The following SLC5A10 variants were observed in gnomAD, a reference collection of about 807,000 sequenced individuals.
SLC5A10 encodes sodium/mannose cotransporter SLC5A10.
Under a neutral mutation model 68.9 loss-of-function variants are expected in SLC5A10, and 55 were observed. The observed-to-expected ratio is 0.80, with a 90% CI of 0.64 to 1.00. SLC5A10 has a LOEUF of 1.00. Among genes scored for constraint, SLC5A10 ranks in the 50% least tolerant of loss-of-function variants. The pLI is 0.00. For synonymous variants in SLC5A10, 344 were observed against 344.8 expected, an observed-to-expected ratio of 1.00 and a Z score of 0.02; for missense variants, 732 against 819.3, an observed-to-expected ratio of 0.89 and a Z score of 1.30.
intron 9 of SLC5A10, 62 bp downstream of exon 9, chr17:18,977,051 C>A: frequency 6.3e-7 from 1 of 1,592,402 alleles, no homozygotes; most frequent in Non-Finnish European, 8.5e-7. Context: ...GGGACCTTGT[C>A]CTGCAAACGT....
rs2043714673 is a variant in SLC5A10 at position 19,000,944 on chromosome 17, T to C, written c.983-12466T>C. Among the ~76,000 whole-genome samples, 2 of 152,068 alleles carry C rather than the reference T, an allele frequency of 1.3e-5. No homozygotes were observed. Among genetic ancestry groups the C allele is most frequent in the South Asian group, 4.1e-4 (2 of 4,820 alleles). On this transcript the variant is annotated intron_variant, in intron 9 of 14. Coordinates refer to ENST00000395645, the MANE Select transcript of SLC5A10 (RefSeq NM_001042450.4). This position sits in a 1 kb window ranked among gnomAD's most constrained non-coding sequence, Gnocchi z 5.2. ...AGCTGGAGGACTGCAGTGGCCTGGA[T>C]GAGCTGCCCCTCCCAGCCCCTGCCT...
chr17:19,015,212 G>T lies in SLC5A10; in HGVS notation c.1241+13G>T. 1.9e-6 allele frequency: 2 copies of T among 1,028,066 alleles called. No individual in the cohort carries two copies. Among genetic ancestry groups the T allele is most frequent in the East Asian group, 2.4e-5 (1 of 42,516 alleles). 63.7% of individuals were successfully genotyped at this position (1,028,066 alleles called of 1,614,324 possible). ...TGCTGGTGGGACGGTACGGGGGTGGGGGCCAGTACGGGGGTGGGGGAACAC... is the reference window on the plus strand; with the variant it reads ...TGCTGGTGGGACGGTACGGGGGTGGTGGCCAGTACGGGGGTGGGGGAACAC... On this transcript the variant is annotated intron_variant, in intron 11 of 14. Coordinates refer to ENST00000395645, the MANE Select transcript of SLC5A10 (RefSeq NM_001042450.4).
Position 19,017,164 on chromosome 17 carries a change from G to T in SLC5A10, c.1241+1965G>T. 1 of 839,072 alleles carries T rather than the reference G, an allele frequency of 1.2e-6. No individual in the cohort carries two copies. Among genetic ancestry groups the T allele is most frequent in the Non-Finnish European group, 1.9e-6 (1 of 520,246 alleles). The allele number at this position is 839,072 out of a possible 1,614,324, so 52.0% of individuals were successfully genotyped here. On this transcript the variant is annotated intron_variant, in intron 11 of 14. Coordinates refer to ENST00000395645, the MANE Select transcript of SLC5A10 (RefSeq NM_001042450.4). The surrounding 1 kb of genome is among the most constrained non-coding windows in gnomAD (Gnocchi z 5.6). Reference sequence around the variant, plus strand: ...GGAGCAAGGCACAAGGCTGCGTGGTGCAGGGCAGGTTGCTCACCCTCTCTG... The same window carrying T: ...GGAGCAAGGCACAAGGCTGCGTGGTTCAGGGCAGGTTGCTCACCCTCTCTG...
chr17:18,988,099 G>T, intron 9 of SLC5A10: 1 of 1,224,862 alleles, frequency 8.2e-7, no homozygotes, highest in Non-Finnish European at 1.1e-6. Flanking sequence ...GTGGCTATGT[G>T]ACTGCTTGGC....
intron 1 of SLC5A10, 177 bp downstream of exon 1, chr17:18,952,493 C>A: frequency 4.3e-6 from 3 of 703,644 alleles, no homozygotes; most frequent in Non-Finnish European, 6.9e-6. Flanking sequence ...TGACCAAGCC[C>A]GTTTCTCTCT....
At chr17:18,955,936 T>C (rs2042489525) in intron 1 of SLC5A10, among the ~76,000 whole-genome samples, 1 of 152,208 alleles carries the variant, frequency 6.6e-6, no homozygotes, top group Non-Finnish European at 1.5e-5. Flanking sequence ...GGCTCATGCC[T>C]GTAATCCCAG....
intron 9 of SLC5A10, among the ~76,000 whole-genome samples, chr17:18,984,399 A>G (rs1171093790): frequency 6.6e-6 from 1 of 151,050 alleles, no homozygotes; most frequent in Non-Finnish European, 1.5e-5. Context: ...ACCCAGGCCC[A>G]GGTAGAGACA....
intron 1 of SLC5A10, 120 bp downstream of exon 1, chr17:18,952,436 T>C (rs975911483): frequency 9.9e-6 from 12 of 1,214,570 alleles, no homozygotes; most frequent in Non-Finnish European, 1.4e-5. Flanking sequence ...GGCCTAGTGA[T>C]CCTTGTGGTC....
chr17:18,997,303 G>A (rs561829034), intron 9 of SLC5A10, among the ~76,000 whole-genome samples: 55 of 152,324 alleles, frequency 3.6e-4, no homozygotes, highest in African/African-American at 1.3e-3. Context: ...CAAAGACAAG[G>A]GGCTGGCAGA....
chr17:18,976,491 G>A (rs987105605), intron 8 of SLC5A10: 3 of 203,316 alleles, frequency 1.5e-5, no homozygotes, highest in Non-Finnish European at 2.9e-5. Context: ...GCTGTCATGA[G>A]GGTCCAGGAG....
intron 9 of SLC5A10, among the ~76,000 whole-genome samples, chr17:18,986,630 A>G (rs946529504): frequency 6.6e-6 from 1 of 152,244 alleles, no homozygotes; most frequent in Non-Finnish European, 1.5e-5. Flanking sequence ...CGGAGCAGCC[A>G]GGGCTTCTCT....
Position 19,015,209 on chromosome 17 carries a change from TG to T in SLC5A10, c.1241+15del. ...TCCTGCTGGTGGGACGGTACGGGGG[TG>T]GGGGCCAGTACGGGGGTGGGGGAAC... On this transcript the variant is annotated intron_variant, in intron 11 of 14. Transcript: ENST00000395645. The T allele has an allele frequency of 1.0e-5, 2 of 192,246 alleles. No homozygotes were observed. The highest frequency in any genetic ancestry group is 1.9e-5 in the Non-Finnish European group (2 of 104,014). The allele number at this position is 192,246 out of a possible 1,614,324, so 11.9% of individuals were successfully genotyped here. A position where few individuals can be genotyped will look rare whatever the true frequency, so the allele number is the denominator to read the frequency against.
chr17:18,959,272 G>A, intron 3 of SLC5A10, 33 bp downstream of exon 3: 1 of 1,602,800 alleles, frequency 6.2e-7, no homozygotes, highest in Non-Finnish European at 8.5e-7. Context: ...CCTGTGGGAG[G>A]GCCAGGGCAC....
At chr17:18,983,570 G>T (rs2043190681) in intron 9 of SLC5A10, among the ~76,000 whole-genome samples, 1 of 152,218 alleles carries the variant, frequency 6.6e-6, no homozygotes, top group Admixed American at 6.5e-5. Flanking sequence ...TCTGAGCTGG[G>T]AACAGTGAGG....
chr17:18,999,247 C>T (rs1444145029), intron 9 of SLC5A10, among the ~76,000 whole-genome samples: 3 of 151,766 alleles, frequency 2.0e-5, no homozygotes, highest in Non-Finnish European at 4.4e-5. Context: ...CACTGCACTC[C>T]AGCCTGGGCG....
At position 19,022,308 on chromosome 17, in the gene SLC5A10, C is replaced by A; in HGVS notation, c.*1877C>A. On this transcript the variant is annotated 3_prime_UTR_variant, in exon 15 of 15. Coordinates refer to ENST00000395645, the MANE Select transcript of SLC5A10 (RefSeq NM_001042450.4). ...ATCAATGGTAGTGCCACCACTGGGC[C>A]TCCTGCTGCCCACACCCCTGCCTGT... The A allele has an allele frequency of 4.2e-6, 2 of 480,332 alleles. No individual in the cohort carries two copies. The highest frequency in any genetic ancestry group is 7.0e-5 in the East Asian group (2 of 28,608). The allele number at this position is 480,332 out of a possible 1,614,324, so 29.8% of individuals were successfully genotyped here. A position where few individuals can be genotyped will look rare whatever the true frequency, so the allele number is the denominator to read the frequency against.
intron 8 of SLC5A10, among the ~76,000 whole-genome samples, chr17:18,972,405 C>T (rs754248235): frequency 1.1e-4 from 17 of 152,182 alleles, no homozygotes; most frequent in Admixed American, 5.2e-4. Context: ...GGAGTAGGCC[C>T]GACCAGCTCC....
At chr17:18,978,629 T>A (rs2043049579) in intron 9 of SLC5A10, 2 of 1,612,790 alleles carry the variant, frequency 1.2e-6, no homozygotes, top group South Asian at 2.2e-5. Context: ...GTACTTGGGG[T>A]TGACGAGCTT....
intron 5 of SLC5A10, among the ~76,000 whole-genome samples, chr17:18,967,839 C>A (rs1049285696): frequency 6.6e-6 from 1 of 152,100 alleles, no homozygotes; most frequent in African/African-American, 2.4e-5. Flanking sequence ...AGCACCTCTG[C>A]GCTTCTCTAC....
Sources: gnomAD v4.1 joint callset for allele counts (sites outside exome capture counted in the v4.1 genomes callset) on GRCh38, gnomAD v4.1.1 for gene constraint, Gnocchi (gnomAD v3.1) non-coding constraint, MANE v1.5 for transcripts, NCBI Gene and HGNC (gene_info 2026-07-23, HGNC 2026-07-21) for gene names.